The following SLC71A2 variants were observed in gnomAD, a reference collection of about 807,000 sequenced individuals.
SLC71A2 encodes hippocampus abundant transcript-like 1.
the SLC71A2 span, chr9:94,459,583 T>TC: frequency 1.8e-6 from 1 of 566,338 alleles, no homozygotes; most frequent in Non-Finnish European, 3.0e-6. Flanking sequence ...TTTTTTTTTT[T>TC]TCTCTTACAT....
the SLC71A2 span, among the ~76,000 whole-genome samples, chr9:94,448,271 CCT>C: frequency 6.6e-6 from 1 of 152,088 alleles, no homozygotes; most frequent in African/African-American, 2.4e-5. Flanking sequence ...CAAAATCTTC[CCT>C]CTCTAGAGTA....
At chr9:94,443,778 CTG>C in the SLC71A2 span, among the ~76,000 whole-genome samples, 1 of 152,148 alleles carries the variant, frequency 6.6e-6, no homozygotes, top group Admixed American at 6.5e-5. Flanking sequence ...GTTCCCATAA[CTG>C]TTTGCTTGTC....
chr9:94,447,795 T>C, the SLC71A2 span, among the ~76,000 whole-genome samples: 1 of 152,128 alleles, frequency 6.6e-6, no homozygotes. Context: ...CACAGTGAAT[T>C]TTCACTGCAA....
the SLC71A2 span, chr9:94,456,273 G>A: frequency 6.2e-7 from 1 of 1,614,168 alleles, no homozygotes; most frequent in Non-Finnish European, 8.5e-7. Flanking sequence ...TGGCTGCCAT[G>A]TCCAGCATCA....
the SLC71A2 span, among the ~76,000 whole-genome samples, chr9:94,409,122 C>T: frequency 2.9e-5 from 4 of 139,610 alleles, no homozygotes; most frequent in East Asian, 2.0e-4. Flanking sequence ...CCACTGCGCC[C>T]GGCCTCCTTT....
the SLC71A2 span, among the ~76,000 whole-genome samples, chr9:94,451,772 T>C: frequency 3.3e-5 from 5 of 152,234 alleles, no homozygotes; most frequent in Non-Finnish European, 7.3e-5. Context: ...TTTTTTGAGG[T>C]TGTAATTTAG....
chr9:94,422,971 G>T, the SLC71A2 span, among the ~76,000 whole-genome samples: 3 of 132,680 alleles, frequency 2.3e-5, no homozygotes, highest in East Asian at 2.3e-4. Flanking sequence ...TCTTGCTCTT[G>T]TTGCCTAGGC....
chr9:94,460,582 A>T, the SLC71A2 span: 1 of 152,092 alleles, frequency 6.6e-6, no homozygotes, highest in Admixed American at 6.6e-5. Flanking sequence ...ATTTTGCTGC[A>T]CCAGTAAATG....
At chr9:94,440,512 TTTG>T in the SLC71A2 span, among the ~76,000 whole-genome samples, 1 of 152,032 alleles carries the variant, frequency 6.6e-6, no homozygotes, top group East Asian at 1.9e-4. Flanking sequence ...AAGGTTTTTC[TTTG>T]TTAATTTTAA....
chr9:94,415,757 G>A, the SLC71A2 span, among the ~76,000 whole-genome samples: 7 of 152,044 alleles, frequency 4.6e-5, no homozygotes, highest in Admixed American at 3.9e-4. Context: ...ATCTAATGCC[G>A]CTGCTGATCT....
At chr9:94,398,524 C>T in the SLC71A2 span, among the ~76,000 whole-genome samples, 1 of 152,166 alleles carries the variant, frequency 6.6e-6, no homozygotes, top group East Asian at 1.9e-4. Flanking sequence ...AGCCTCAGTA[C>T]ATTTACTTAA....
chr9:94,413,961 T>C, the SLC71A2 span, among the ~76,000 whole-genome samples: 3 of 152,142 alleles, frequency 2.0e-5, no homozygotes, highest in Non-Finnish European at 4.4e-5. Context: ...CAGGAAGATA[T>C]TTCTCCTTGT....
chr9:94,374,582 G>C, the SLC71A2 span: 6 of 152,860 alleles, frequency 3.9e-5, no homozygotes, highest in African/African-American at 1.4e-4. Flanking sequence ...AACTGCGAGA[G>C]TCGGGGTCGG....
chr9:94,431,941 T>C, the SLC71A2 span, among the ~76,000 whole-genome samples: 8 of 152,250 alleles, frequency 5.3e-5, no homozygotes, highest in South Asian at 1.5e-3. Flanking sequence ...TTAAACAGCA[T>C]TGGCACTTGT....
chr9:94,382,366 A>G, the SLC71A2 span, among the ~76,000 whole-genome samples: 1 of 150,714 alleles, frequency 6.6e-6, no homozygotes, highest in Non-Finnish European at 1.5e-5. Context: ...CTTTTGGCAA[A>G]GTGTCTGTTC....
the SLC71A2 span, among the ~76,000 whole-genome samples, chr9:94,426,073 A>T: frequency 3.4e-5 from 5 of 149,136 alleles, no homozygotes; most frequent in Admixed American, 1.4e-4. Flanking sequence ...GACTGGTTAT[A>T]GGCCCTCTTG....
chr9:94,450,799 G>A, the SLC71A2 span, among the ~76,000 whole-genome samples: 5 of 152,020 alleles, frequency 3.3e-5, no homozygotes, highest in South Asian at 2.1e-4. Flanking sequence ...CCAAAATAAC[G>A]TAACTTTTAA....
At chr9:94,391,887 A>AT in the SLC71A2 span, among the ~76,000 whole-genome samples, 37 of 149,398 alleles carry the variant, frequency 2.5e-4, no homozygotes, top group South Asian at 4.2e-4. Context: ...TCCAAAAAAA[A>AT]TTTTTTTTTT....
the SLC71A2 span, among the ~76,000 whole-genome samples, chr9:94,416,660 G>A: frequency 2.6e-5 from 4 of 152,052 alleles, no homozygotes; most frequent in Non-Finnish European, 5.9e-5. Context: ...TTCGAGACCA[G>A]CCTGACCAAC....
Sources: allele counts gnomAD v4.1 joint callset (sites outside exome capture counted in the v4.1 genomes callset), GRCh38; gene constraint gnomAD v4.1.1; transcripts MANE v1.5; gene names NCBI Gene and HGNC (gene_info 2026-07-23, HGNC 2026-07-21).